MAP4K3: variants seen among roughly 807,000 people sequenced by gnomAD.
MAP4K3 encodes mitogen-activated protein kinase kinase kinase kinase 3.
In MAP4K3, 94 loss-of-function variants were observed where a neutral mutation model predicts 143.5. The observed-to-expected ratio is 0.65, with a 90% CI of 0.55 to 0.78. MAP4K3 has a LOEUF of 0.78. Among genes scored for constraint, MAP4K3 ranks in the 30% least tolerant of loss-of-function variants. The pLI, the probability that MAP4K3 is intolerant of heterozygous loss-of-function variation, is 0.00. For missense variants in MAP4K3, 1,077 were observed against 1,068.1 expected, an observed-to-expected ratio of 1.01 and a Z score of -0.12; for synonymous variants, 416 against 347.2, an observed-to-expected ratio of 1.20 and a Z score of -2.20.
intron 33 of MAP4K3, among the ~76,000 whole-genome samples, chr2:39,251,230 T>A (rs1680145801): frequency 6.6e-6 from 1 of 152,170 alleles, no homozygotes; most frequent in Admixed American, 6.5e-5. Flanking sequence ...AACCTACTTG[T>A]GGGTAATTTA....
At chr2:39,393,879 A>C (rs1330875133) in intron 1 of MAP4K3, among the ~76,000 whole-genome samples, 2 of 152,216 alleles carry the variant, frequency 1.3e-5, no homozygotes, top group Non-Finnish European at 1.5e-5. Context: ...GTTAAAAAAA[A>C]TCTGCATATG....
intron 1 of MAP4K3, among the ~76,000 whole-genome samples, chr2:39,419,053 T>C (rs1038914632): frequency 2.0e-5 from 3 of 152,216 alleles, no homozygotes; most frequent in African/African-American, 7.2e-5. Context: ...TTGTGACTTT[T>C]TGTAAATCCA....
chr2:39,355,047 G>GT, intron 3 of MAP4K3, among the ~76,000 whole-genome samples: 1 of 152,118 alleles, frequency 6.6e-6, no homozygotes, highest in Admixed American at 6.5e-5. Context: ...GGGCAACATA[G>GT]TGAGATCCCC....
At chr2:39,367,284 G>C (rs529057523) in intron 2 of MAP4K3, among the ~76,000 whole-genome samples, 2 of 152,208 alleles carry the variant, frequency 1.3e-5, no homozygotes, top group African/African-American at 4.8e-5. Flanking sequence ...GCTCACACCT[G>C]TAGTCCCAGA....
chr2:39,375,596 T>C (rs1012312201), intron 2 of MAP4K3, among the ~76,000 whole-genome samples: 3 of 151,360 alleles, frequency 2.0e-5, no homozygotes, highest in Non-Finnish European at 3.0e-5. Flanking sequence ...TTAATGGTTG[T>C]AGTTACGTAT....
At chr2:39,356,198 A>T (rs1665605763) in intron 3 of MAP4K3, 51 bp downstream of exon 3, 1 of 1,042,650 alleles carries the variant, frequency 9.6e-7, no homozygotes, top group Non-Finnish European at 1.5e-6. Context: ...TGTTTAATGC[A>T]TTAGGTGATG....
At chr2:39,289,464 T>C (rs1166956757) in intron 19 of MAP4K3, among the ~76,000 whole-genome samples, 1 of 152,188 alleles carries the variant, frequency 6.6e-6, no homozygotes, top group Non-Finnish European at 1.5e-5. Context: ...AAAGTATATA[T>C]TAGCTCATTT....
At position 39,422,249 on chromosome 2, in the gene MAP4K3, T is replaced by C. The variant is rs114392366; in HGVS notation, c.96+14643A>G. ...TCCTGCCTTCTCAATCATTTCTAATTAGGATGCTTTACCAACTACTCTTTC... is the reference window on the plus strand; with the variant it reads ...TCCTGCCTTCTCAATCATTTCTAATCAGGATGCTTTACCAACTACTCTTTC... On this transcript the variant is annotated intron_variant, in intron 1 of 33. Transcript: ENST00000263881. 8.0e-3 allele frequency among the ~76,000 whole-genome samples: 1,220 copies of C among 152,188 alleles called. 8 individuals are homozygous for C. The highest frequency in any genetic ancestry group is 0.014 in the South Asian group (69 of 4,812).
chr2:39,352,401 G>C (rs1261035117), intron 3 of MAP4K3, among the ~76,000 whole-genome samples: 7 of 152,166 alleles, frequency 4.6e-5, no homozygotes, highest in Non-Finnish European at 1.0e-4. Context: ...GATATGCTGG[G>C]CTAAGGAATG....
intron 3 of MAP4K3, among the ~76,000 whole-genome samples, chr2:39,346,369 T>G (rs1665292617): frequency 6.6e-6 from 1 of 152,342 alleles, no homozygotes; most frequent in South Asian, 2.1e-4. Context: ...TTTGTCTACC[T>G]GGTTCAATGA....
rs185590666 is a variant in MAP4K3 at position 39,306,576 on chromosome 2, T to G, written c.1119+1367A>C. On this transcript the variant is annotated intron_variant, in intron 15 of 33. Transcript: ENST00000263881. ...TTCAGATTTAACAATGGGGAACACATGCAATTTCATGGCTTCATCTATCAC... is the reference window on the plus strand; with the variant it reads ...TTCAGATTTAACAATGGGGAACACAGGCAATTTCATGGCTTCATCTATCAC... Among the ~76,000 whole-genome samples, 24 of 152,360 alleles carry G rather than the reference T, an allele frequency of 1.6e-4. No homozygotes were observed. In the East Asian group the frequency reaches 4.4e-3, roughly 28 times the overall value.
At chr2:39,306,620 A>C (rs552574226) in intron 15 of MAP4K3, among the ~76,000 whole-genome samples, 1 of 152,064 alleles carries the variant, frequency 6.6e-6, no homozygotes, top group Non-Finnish European at 1.5e-5. Context: ...TGATAATTTA[A>C]ATCTACTTTT....
At chr2:39,348,032 T>C (rs1044489412) in intron 3 of MAP4K3, among the ~76,000 whole-genome samples, 2 of 152,054 alleles carry the variant, frequency 1.3e-5, no homozygotes, top group African/African-American at 2.4e-5. Context: ...TTTGCTGAAC[T>C]TTCAATATGA....
intron 8 of MAP4K3, among the ~76,000 whole-genome samples, chr2:39,328,141 G>A (rs1035533034): frequency 6.6e-6 from 1 of 152,136 alleles, no homozygotes; most frequent in South Asian, 2.1e-4. Context: ...GACCAGCCTG[G>A]GCAACATGGC....
Position 39,378,260 on chromosome 2 carries a change from CAAAT to C in MAP4K3, c.97-141_97-138del, listed in dbSNP as rs567735086. ...GCAAATGTAATTTATATTTACAAAA[CAAAT>C]AGTTTTTCCTTCACAATAAATTTCA... On this transcript the variant is annotated intron_variant, in intron 1 of 33. Transcript: ENST00000263881. The C allele has an allele frequency of 5.9e-5, 34 of 572,546 alleles. No homozygotes were observed. In the South Asian group the frequency reaches 7.7e-4, roughly 13 times the overall value. The allele number at this position is 572,546 out of a possible 1,614,324, so 35.5% of individuals were successfully genotyped here.
At chr2:39,415,980 A>AAAAAAT (rs1553318573) in intron 1 of MAP4K3, among the ~76,000 whole-genome samples, 11 of 14,750 alleles carry the variant, frequency 7.5e-4, no homozygotes, top group Admixed American at 2.2e-3. Context: ...AAAAAAAAAA[A>AAAAAAT]ATATATATAT....
At chr2:39,374,367 T>C (rs545787886) in intron 2 of MAP4K3, among the ~76,000 whole-genome samples, 164 of 151,328 alleles carry the variant, frequency 1.1e-3, no homozygotes, top group African/African-American at 3.6e-3. Context: ...CTCAAAACAA[T>C]AAAAAATAAA....
Position 39,288,221 on chromosome 2 carries a change from T to A in MAP4K3, c.1374A>T (p.Thr458=). The A allele has an allele frequency of 6.2e-7, 1 of 1,614,106 alleles. No homozygotes were observed. The highest frequency in any genetic ancestry group is 8.5e-7 in the Non-Finnish European group (1 of 1,179,994). Residue 458 remains threonine, a synonymous_variant, in exon 20 of 34, where the codon ACA becomes ACT. Coordinates refer to ENST00000263881, the MANE Select transcript of MAP4K3 (RefSeq NM_003618.4). ...MHSTEDENQG[T]IKRCPMSGSP... The stretch of plus-strand genomic sequence containing the variant: ...TCCCTGACATGGGACATCTCTTGAT[T>A]GTTCCTTGATTTTCATCCTCAGTAG...
chr2:39,382,892 A>G (rs1020106782), intron 1 of MAP4K3, among the ~76,000 whole-genome samples: 3 of 152,232 alleles, frequency 2.0e-5, no homozygotes, highest in African/African-American at 7.2e-5. Flanking sequence ...GTTACCATTT[A>G]TGCAGAGGTT....
Sources: allele counts gnomAD v4.1 joint callset (sites outside exome capture counted in the v4.1 genomes callset), GRCh38; gene constraint gnomAD v4.1.1; transcripts MANE v1.5; gene names NCBI Gene and HGNC (gene_info 2026-07-23, HGNC 2026-07-21).